MAPK9: variants seen among roughly 807,000 people sequenced by gnomAD.
The protein encoded by MAPK9 is Jun kinase.
A neutral mutation model predicts 57.1 loss-of-function variants in MAPK9; 30 were observed. The observed-to-expected ratio is 0.53, with a 90% CI of 0.39 to 0.71. The LOEUF (loss-of-function observed/expected upper bound fraction) is 0.71, where lower values mean the gene tolerates loss of function less well. Ranked by LOEUF, MAPK9 falls within the 30% of genes least tolerant of loss-of-function variation. The pLI is 0.00. For missense variants in MAPK9, 362 were observed against 521.0 expected (o/e 0.69, Z 2.97); for synonymous variants, 155 against 177.0 (o/e 0.88, Z 0.99).
intron 3 of MAPK9, among the ~76,000 whole-genome samples, chr5:180,266,316 CTTT>C (rs760896507): frequency 7.0e-6 from 1 of 142,160 alleles, no homozygotes; most frequent in Non-Finnish European, 1.5e-5. Flanking sequence ...TTCTCAGACA[CTTT>C]TTTTTTTTTT....
intron 2 of MAPK9, among the ~76,000 whole-genome samples, chr5:180,272,918 T>C (rs997382241): frequency 7.9e-5 from 12 of 152,110 alleles, no homozygotes; most frequent in African/African-American, 2.9e-4. Context: ...CCAGAGCGTT[T>C]CTACAAATTT....
At chr5:180,289,864 T>G (rs561989535) in intron 1 of MAPK9, among the ~76,000 whole-genome samples, 2 of 152,316 alleles carry the variant, frequency 1.3e-5, no homozygotes, top group Non-Finnish European at 2.9e-5. Context: ...GAGTGCTGCC[T>G]TCCTTTTTAG....
At chr5:180,246,985 A>G (rs1758173548) in intron 7 of MAPK9, 1 of 158,366 alleles carries the variant, frequency 6.3e-6, no homozygotes. Flanking sequence ...GGGGGAAAAT[A>G]TTTCAATGCA....
Position 180,241,111 on chromosome 5 carries a change from G to C in MAPK9, c.916C>G (p.Pro306Ala). Residue 306 changes from proline (P) to alanine (A), a missense_variant, in exon 9 of 12, where the codon CCT becomes GCT. Coordinates refer to ENST00000452135, the MANE Select transcript of MAPK9 (RefSeq NM_002752.5). The stretch of plus-strand genomic sequence containing the variant: ...TCGTCTACAGAGATCCGCTTGTCAG[G>C]ATCAATCACTAACATTTTTGATAAC... ...DLLSKMLVID[P>A]DKRISVDEAL... 6.2e-7 allele frequency: 1 copy of C among 1,614,034 alleles called. No individual in the cohort carries two copies. The highest frequency in any genetic ancestry group is 8.5e-7 in the Non-Finnish European group (1 of 1,179,966).
intron 2 of MAPK9, among the ~76,000 whole-genome samples, chr5:180,271,083 T>C (rs1182848285): frequency 6.6e-6 from 1 of 152,172 alleles, no homozygotes; most frequent in Non-Finnish European, 1.5e-5. Context: ...GTATGTGAGG[T>C]AATGCATATG....
chr5:180,279,051 A>G (rs1247302954), intron 2 of MAPK9, among the ~76,000 whole-genome samples: 6 of 148,370 alleles, frequency 4.0e-5, no homozygotes, highest in African/African-American at 1.5e-4. Context: ...TCCATCTCCC[A>G]GGTTCAAGCG....
intron 2 of MAPK9, among the ~76,000 whole-genome samples, chr5:180,271,838 C>T (rs1348910617): frequency 1.3e-5 from 2 of 152,188 alleles, no homozygotes; most frequent in African/African-American, 2.4e-5. Flanking sequence ...AACATCATGT[C>T]CTCTTTGTTT....
chr5:180,261,246 G>A (rs1182101439), intron 5 of MAPK9, among the ~76,000 whole-genome samples: 45 of 152,180 alleles, frequency 3.0e-4, no homozygotes, highest in Admixed American at 2.9e-3. Context: ...TTAAGAAAGA[G>A]AGTTCTCAAG....
chr5:180,289,222 A>T (rs1247667313), intron 1 of MAPK9, among the ~76,000 whole-genome samples: 1 of 152,228 alleles, frequency 6.6e-6, no homozygotes, highest in Admixed American at 6.5e-5. Flanking sequence ...GAAAATTAAG[A>T]ATATTTTATC....
chr5:180,238,502 C>A (rs1255266386), intron 10 of MAPK9, 99 bp from the exon 11 acceptor site: 2 of 831,764 alleles, frequency 2.4e-6, no homozygotes, highest in South Asian at 1.5e-5. Context: ...AAAGGCATTG[C>A]GATTTGTTAT....
In MAPK9 at chr5:180,247,287, C is replaced by A; in HGVS notation, c.688+152G>T. The stretch of plus-strand genomic sequence containing the variant: ...TGAAATTGAACCACTTGGCTTGTGA[C>A]ACTAATTAACAAATACAGTAAAGCC... On this transcript the variant is annotated intron_variant, in intron 7 of 11. Transcript: ENST00000452135. This position sits in a 1 kb window ranked among gnomAD's most constrained non-coding sequence, Gnocchi z 4.5. 1 of 728,988 alleles carries A rather than the reference C, an allele frequency of 1.4e-6. No homozygotes were observed. Among genetic ancestry groups the A allele is most frequent in the East Asian group, 2.7e-5 (1 of 36,530 alleles). The allele number at this position is 728,988 out of a possible 1,614,324, so 45.2% of individuals were successfully genotyped here.
At chr5:180,290,636 C>G (rs1203346790) in intron 1 of MAPK9, among the ~76,000 whole-genome samples, 1 of 152,202 alleles carries the variant, frequency 6.6e-6, no homozygotes, top group Non-Finnish European at 1.5e-5. Flanking sequence ...ACAGCTTGTT[C>G]CAACAGTTAG....
intron 5 of MAPK9, among the ~76,000 whole-genome samples, chr5:180,260,109 T>C (rs1174569548): frequency 6.6e-6 from 1 of 152,202 alleles, no homozygotes; most frequent in African/African-American, 2.4e-5. Context: ...ACAAAACTAC[T>C]ACTGAGGAAA....
At chr5:180,268,402 T>C (rs1760897649) in intron 3 of MAPK9, among the ~76,000 whole-genome samples, 1 of 152,268 alleles carries the variant, frequency 6.6e-6, no homozygotes. Flanking sequence ...GTTTCTCAAT[T>C]TGTTAGATCA....
chr5:180,239,270 C>T (rs766147578), intron 10 of MAPK9, among the ~76,000 whole-genome samples: 2 of 152,234 alleles, frequency 1.3e-5, no homozygotes, highest in African/African-American at 2.4e-5. Context: ...AACATTAGCA[C>T]GTTGCAAGCA....
rs984325874 is a variant in MAPK9 at position 180,235,294 on chromosome 5, A to G, written c.*1090T>C. ...GAATCAGCCTGGCCTCTGAAAACAG[A>G]CCAAAGAGGAGTTTATCTGCTTTCT... On this transcript the variant is annotated 3_prime_UTR_variant, in exon 12 of 12. Coordinates refer to ENST00000452135, the MANE Select transcript of MAPK9 (RefSeq NM_002752.5). 6.6e-6 allele frequency: 1 copy of G among 152,190 alleles called. No homozygotes were observed. Among genetic ancestry groups the G allele is most frequent in the Non-Finnish European group, 1.5e-5 (1 of 68,044 alleles). The allele number at this position is 152,190 out of a possible 1,614,324, so 9.4% of individuals were successfully genotyped here.
At chr5:180,264,633 A>G in intron 4 of MAPK9, 148 bp downstream of exon 4, 1 of 696,158 alleles carries the variant, frequency 1.4e-6, no homozygotes, top group Non-Finnish European at 2.2e-6. Flanking sequence ...CAAATTTTCT[A>G]AATATTTCTC....
In MAPK9 at chr5:180,282,544, C is replaced by T. The variant is rs79988874; in HGVS notation, c.-47-1936G>A. ...ACGGCTTCAAGGAGGAGGCGGCATCCGCCCTCAGACTCTTTTGCCAGAGAT... is the reference window on the plus strand; with the variant it reads ...ACGGCTTCAAGGAGGAGGCGGCATCTGCCCTCAGACTCTTTTGCCAGAGAT... On this transcript the variant is annotated intron_variant, in intron 1 of 11. Transcript: ENST00000452135. Among the ~76,000 whole-genome samples the T allele has an allele frequency of 6.8e-4, 104 of 152,328 alleles. No homozygotes were observed. In the East Asian group the frequency reaches 0.011, roughly 17 times the overall value.
intron 5 of MAPK9, among the ~76,000 whole-genome samples, chr5:180,252,384 G>A (rs1056128992): frequency 4.6e-5 from 7 of 152,146 alleles, no homozygotes; most frequent in Non-Finnish European, 7.3e-5. Context: ...GCCTGTGGCC[G>A]TCTGGGGTCA....
Sources: allele counts gnomAD v4.1 joint callset (sites outside exome capture counted in the v4.1 genomes callset), GRCh38; gene constraint gnomAD v4.1.1; non-coding constraint Gnocchi (gnomAD v3.1); transcripts MANE v1.5; gene names NCBI Gene and HGNC (gene_info 2026-07-23, HGNC 2026-07-21).